The following ARHGAP42 variants were observed in gnomAD, a reference collection of about 807,000 sequenced individuals.
ARHGAP42 encodes the protein rho GTPase-activating protein 42.
A neutral mutation model predicts 125.0 loss-of-function variants in ARHGAP42; 63 were observed. The observed-to-expected ratio is 0.50, with a 90% CI of 0.41 to 0.62. ARHGAP42 has a LOEUF of 0.62. Among genes scored for constraint, ARHGAP42 ranks in the 20% least tolerant of loss-of-function variants. ARHGAP42 has a pLI of 0.00. For missense variants in ARHGAP42, 766 were observed against 1,024.2 expected, an observed-to-expected ratio of 0.75 and a Z score of 3.44; for synonymous variants, 339 against 351.0, an observed-to-expected ratio of 0.97 and a Z score of 0.38.
chr11:100,818,663 A>G (rs887029102), intron 3 of ARHGAP42, among the ~76,000 whole-genome samples: 1 of 151,942 alleles, frequency 6.6e-6, no homozygotes, highest in Non-Finnish European at 1.5e-5. Context: ...ACATCTTTTT[A>G]TATCAATCAG....
rs549102135 is a variant in ARHGAP42, at chr11:100,943,065, T to G, written c.934-694T>G. On this transcript the variant is annotated intron_variant, in intron 9 of 23. Transcript: ENST00000298815. ...AGAATTCCTATGAATGTGGCCTATG[T>G]TGGATCTTGTCCAGAGAGTCAGTTT... 4.6e-5 allele frequency among the ~76,000 whole-genome samples: 7 copies of G among 152,174 alleles called. 1 individual carries two copies. Among genetic ancestry groups the G allele is most frequent in the Admixed American group, 1.3e-4 (2 of 15,274 alleles).
chr11:100,746,745 G>C (rs1862316269), intron 1 of ARHGAP42, among the ~76,000 whole-genome samples: 1 of 152,166 alleles, frequency 6.6e-6, no homozygotes. Context: ...AGTGACCTCT[G>C]CTCCTAAACC....
intron 4 of ARHGAP42, among the ~76,000 whole-genome samples, chr11:100,861,090 A>T (rs1865434020): frequency 6.6e-6 from 1 of 152,192 alleles, no homozygotes; most frequent in Non-Finnish European, 1.5e-5. Context: ...TCATTAATGG[A>T]TCTGAACTTG....
intron 22 of ARHGAP42, among the ~76,000 whole-genome samples, chr11:100,984,249 T>C (rs542948411): frequency 6.6e-6 from 1 of 152,244 alleles, no homozygotes; most frequent in South Asian, 2.1e-4. Context: ...CTTTTTGTCT[T>C]ACGCATTAAC....
At position 100,782,761 on chromosome 11, in the gene ARHGAP42, G is replaced by C. The variant is rs567808132; in HGVS notation, c.250+12323G>C. 6.6e-5 allele frequency among the ~76,000 whole-genome samples: 10 copies of C among 152,280 alleles called. No homozygotes were observed. The East Asian group carries it at 1.9e-3, about 29-fold the overall frequency. On this transcript the variant is annotated intron_variant, in intron 2 of 23. Transcript: ENST00000298815. Reference sequence around the variant, plus strand: ...GATTCAGGGGGCAGTGGAGAGAAGAGCTTTGGTGTCATGCTTGATTTTTGG... The same window carrying C: ...GATTCAGGGGGCAGTGGAGAGAAGACCTTTGGTGTCATGCTTGATTTTTGG...
At chr11:100,871,868 T>C (rs1865704638) in intron 4 of ARHGAP42, among the ~76,000 whole-genome samples, 1 of 152,120 alleles carries the variant, frequency 6.6e-6, no homozygotes, top group African/African-American at 2.4e-5. Flanking sequence ...TTCAGCCGCC[T>C]GAGTAGCTGG....
rs1861115267 is a variant in ARHGAP42 at position 100,687,948 on chromosome 11, C to G, written c.154+116C>G. The stretch of plus-strand genomic sequence containing the variant: ...TCTTTTGTTTGAATGGATTTGGGGA[C>G]AAAAGCTGAAGAGCTCCCCTGCTGG... On this transcript the variant is annotated intron_variant, in intron 1 of 23. Transcript: ENST00000298815. 2.4e-6 allele frequency: 3 copies of G among 1,232,300 alleles called. No homozygotes were observed. The Admixed American group carries it at 8.7e-5, about 36-fold the overall frequency. 76.3% of individuals were successfully genotyped at this position (1,232,300 alleles called of 1,614,324 possible).
intron 12 of ARHGAP42, among the ~76,000 whole-genome samples, chr11:100,954,733 T>G (rs1857759882): frequency 6.6e-6 from 1 of 152,116 alleles, no homozygotes; most frequent in African/African-American, 2.4e-5. Context: ...ATAGCTCAAG[T>G]GCTCTTCATG....
chr11:100,758,279 A>C (rs552229661), intron 1 of ARHGAP42, among the ~76,000 whole-genome samples: 3 of 152,152 alleles, frequency 2.0e-5, no homozygotes, highest in African/African-American at 7.2e-5. Flanking sequence ...GGATCCGGGA[A>C]TGTTTTTGTT....
chr11:100,829,867 C>G (rs1343158810), intron 3 of ARHGAP42, among the ~76,000 whole-genome samples: 1 of 152,126 alleles, frequency 6.6e-6, no homozygotes, highest in African/African-American at 2.4e-5. Context: ...CAAAATTCAT[C>G]CATTCATTTA....
At chr11:100,762,293 C>G (rs1459081434) in intron 1 of ARHGAP42, among the ~76,000 whole-genome samples, 1 of 152,192 alleles carries the variant, frequency 6.6e-6, no homozygotes, top group Non-Finnish European at 1.5e-5. Context: ...TGGAATACAG[C>G]ACATTACTGT....
At position 100,796,938 on chromosome 11, in the gene ARHGAP42, A is replaced by C. The variant is rs117681998; in HGVS notation, c.312+1772A>C. Among the ~76,000 whole-genome samples, 326 of 151,824 alleles carry C rather than the reference A, an allele frequency of 2.1e-3. 2 individuals carry two copies. The highest frequency in any genetic ancestry group is 8.3e-3 in the South Asian group (40 of 4,794). On this transcript the variant is annotated intron_variant, in intron 3 of 23. Transcript: ENST00000298815. The stretch of plus-strand genomic sequence containing the variant: ...GTGCACCCCACCCACCTGGCTAATT[A>C]TTGTATTTTTAGTAGAGATGGGATT...
chr11:100,767,687 G>A (rs745933528), intron 1 of ARHGAP42, among the ~76,000 whole-genome samples: 4 of 152,072 alleles, frequency 2.6e-5, no homozygotes, highest in Admixed American at 6.6e-5. Flanking sequence ...GATATCCATC[G>A]AAGGGTTCCC....
chr11:100,919,364 C>T, intron 5 of ARHGAP42, among the ~76,000 whole-genome samples: 1 of 152,086 alleles, frequency 6.6e-6, no homozygotes, highest in East Asian at 1.9e-4. Context: ...TGTGAACCCT[C>T]CCTAAACTAA....
At chr11:100,864,864 A>T (rs545017031) in intron 4 of ARHGAP42, among the ~76,000 whole-genome samples, 2 of 152,300 alleles carry the variant, frequency 1.3e-5, no homozygotes, top group South Asian at 4.1e-4. Flanking sequence ...TATTTTTGAA[A>T]TACCCCTTGA....
At chr11:100,984,710 T>C (rs1442013772) in intron 22 of ARHGAP42, among the ~76,000 whole-genome samples, 1 of 151,872 alleles carries the variant, frequency 6.6e-6, no homozygotes, top group African/African-American at 2.4e-5. Context: ...AGAAATGGCT[T>C]TCAGAACTGT....
At chr11:100,776,267 C>A (rs1431098265) in intron 2 of ARHGAP42, among the ~76,000 whole-genome samples, 1 of 152,106 alleles carries the variant, frequency 6.6e-6, no homozygotes, top group Non-Finnish European at 1.5e-5. Flanking sequence ...TCTTGGAAAC[C>A]ATTGGAAAGT....
intron 4 of ARHGAP42, among the ~76,000 whole-genome samples, chr11:100,862,897 C>T (rs1054907036): frequency 2.0e-5 from 3 of 151,584 alleles, no homozygotes; most frequent in African/African-American, 7.3e-5. Flanking sequence ...ATTAGCCAGG[C>T]GGGGTGGTGC....
At chr11:100,748,858 G>T (rs908197453) in intron 1 of ARHGAP42, among the ~76,000 whole-genome samples, 1 of 152,142 alleles carries the variant, frequency 6.6e-6, no homozygotes, top group Non-Finnish European at 1.5e-5. Context: ...TTAATTATAG[G>T]TTTTAAATTT....
Sources: allele counts gnomAD v4.1 joint callset (sites outside exome capture counted in the v4.1 genomes callset), GRCh38; gene constraint gnomAD v4.1.1; transcripts MANE v1.5; gene names NCBI Gene and HGNC (gene_info 2026-07-23, HGNC 2026-07-21).